The following MORF4L1 variants were observed in gnomAD, a reference collection of about 807,000 sequenced individuals.
MORF4L1 encodes mortality factor 4 like 1.
A neutral mutation model predicts 52.9 loss-of-function variants in MORF4L1; 4 were observed. The observed-to-expected ratio is 0.08, with a 90% CI of 0.04 to 0.17. The LOEUF (loss-of-function observed/expected upper bound fraction) is 0.17. Ranked by LOEUF, MORF4L1 falls within the 10% of genes least tolerant of loss-of-function variation. The pLI, the probability that MORF4L1 is intolerant of heterozygous loss-of-function variation, is 1.00. For synonymous variants in MORF4L1, 123 were observed against 134.8 expected, an observed-to-expected ratio of 0.91 and a Z score of 0.61; for missense variants, 214 against 390.4, an observed-to-expected ratio of 0.55 and a Z score of 3.81.
rs1254731223 is a variant in MORF4L1, at chr15:78,872,969, CG to C, written c.-47del. On this transcript the variant is annotated 5_prime_UTR_variant, in exon 1 of 12. Transcript: ENST00000426013. ...GTTGGGTGGGGTAGAGAGTAGGGGGCGGTAGTCGGGGGTGGTGGGAGAAGGA... is the reference window on the plus strand; with the variant it reads ...GTTGGGTGGGGTAGAGAGTAGGGGGCGTAGTCGGGGGTGGTGGGAGAAGGA... The C allele has an allele frequency of 2.0e-6, 3 of 1,492,564 alleles. No individual in the cohort carries two copies. The highest frequency in any genetic ancestry group is 2.2e-5 in the Admixed American group (1 of 45,382). 92.5% of individuals were successfully genotyped at this position (1,492,564 alleles called of 1,614,324 possible). A position where few individuals can be genotyped will look rare whatever the true frequency, so the allele number is the denominator to read the frequency against.
intron 11 of MORF4L1, among the ~76,000 whole-genome samples, chr15:78,895,668 CATT>C (rs1204358098): frequency 6.6e-6 from 1 of 152,152 alleles, no homozygotes; most frequent in Non-Finnish European, 1.5e-5. Flanking sequence ...TGTAGAGAAA[CATT>C]ATTTTAATCT....
intron 10 of MORF4L1, 92 bp from the exon 11 acceptor site, chr15:78,894,723 TAAAGG>T: frequency 1.0e-6 from 1 of 963,154 alleles, no homozygotes; most frequent in Non-Finnish European, 1.7e-6. Context: ...TCATGTATTT[TAAAGG>T]AATTGGTGGT....
Position 78,872,927 on chromosome 15 carries a change from G to A in MORF4L1, c.-91G>A, listed in dbSNP as rs370447340. 6.0e-6 allele frequency: 9 copies of A among 1,510,472 alleles called. No individual in the cohort carries two copies. The highest frequency in any genetic ancestry group is 1.2e-5 in the South Asian group (1 of 80,526). 93.6% of individuals were successfully genotyped at this position (1,510,472 alleles called of 1,614,324 possible). On this transcript the variant is annotated 5_prime_UTR_variant, in exon 1 of 12. Transcript: ENST00000426013. ...GGATGTAGAGCTGGCAGTGCCTGACGGCGCGTCTGACGCGGAGTTGGGTGG... is the reference window on the plus strand; with the variant it reads ...GGATGTAGAGCTGGCAGTGCCTGACAGCGCGTCTGACGCGGAGTTGGGTGG...
intron 1 of MORF4L1, among the ~76,000 whole-genome samples, chr15:78,874,175 T>C (rs144611578): frequency 0.01 from 1,530 of 152,334 alleles, 14 homozygotes; most frequent in Non-Finnish European, 0.015. Context: ...GGAGGAACAC[T>C]TTAACATTCC....
intron 3 of MORF4L1, chr15:78,885,132 C>A: frequency 7.1e-7 from 1 of 1,400,580 alleles, no homozygotes; most frequent in Non-Finnish European, 1.0e-6. Flanking sequence ...TTCAGGATTG[C>A]TTTTTATTAT....
chr15:78,874,775 T>G (rs1463010593), intron 1 of MORF4L1, among the ~76,000 whole-genome samples: 1 of 132,162 alleles, frequency 7.6e-6, no homozygotes, highest in African/African-American at 2.7e-5. Context: ...AGCTGTTGAC[T>G]CTACCTCCTA....
rs1395674635 is a variant in MORF4L1, at chr15:78,873,105, G to A, written c.40+48G>A. 3.2e-6 allele frequency: 5 copies of A among 1,548,002 alleles called. No homozygotes were observed. The African/African-American group carries it at 6.9e-5, about 21-fold the overall frequency. On this transcript the variant is annotated intron_variant, in intron 1 of 11. Coordinates refer to ENST00000426013, the MANE Select transcript of MORF4L1 (RefSeq NM_006791.4). ...AAGGCACCTAACGGCGCAGGAGATA[G>A]AGGCGGGCTCGAGGTGATTGAGGCT...
chr15:78,891,734 C>CT, intron 7 of MORF4L1, 162 bp downstream of exon 7: 1 of 571,360 alleles, frequency 1.8e-6, no homozygotes, highest in East Asian at 2.9e-5. Flanking sequence ...TTCTGTATAT[C>CT]TTTATTTCAC....
Position 78,897,136 on chromosome 15 carries a change from C to G in MORF4L1, c.*69C>G. The stretch of plus-strand genomic sequence containing the variant: ...TTTTGTTCTTAGTCTATCTCTTGTA[C>G]AAACGATGTGCTTTGAAGATGTTAG... On this transcript the variant is annotated 3_prime_UTR_variant, in exon 12 of 12. Coordinates refer to ENST00000426013, the MANE Select transcript of MORF4L1 (RefSeq NM_006791.4). 1.6e-6 allele frequency: 2 copies of G among 1,234,942 alleles called. No homozygotes were observed. Among genetic ancestry groups the G allele is most frequent in the Non-Finnish European group, 2.4e-6 (2 of 843,706 alleles). 76.5% of individuals were successfully genotyped at this position (1,234,942 alleles called of 1,614,324 possible).
intron 5 of MORF4L1, among the ~76,000 whole-genome samples, chr15:78,889,598 T>G (rs1014477633): frequency 3.9e-5 from 6 of 152,136 alleles, no homozygotes; most frequent in Admixed American, 3.9e-4. Context: ...AGACTATTGG[T>G]TTCTCTTGGT....
Position 78,884,004 on chromosome 15 carries a change from G to C in MORF4L1, c.156-2137G>C, listed in dbSNP as rs537562717. On this transcript the variant is annotated intron_variant, in intron 3 of 11. Coordinates refer to ENST00000426013, the MANE Select transcript of MORF4L1 (RefSeq NM_006791.4). ...GCAGATCACAAGGTCAGGAGTTCTAGACCAGCCTGGCCAACATGATGAAAT... is the reference window on the plus strand; with the variant it reads ...GCAGATCACAAGGTCAGGAGTTCTACACCAGCCTGGCCAACATGATGAAAT... 1.4e-3 allele frequency among the ~76,000 whole-genome samples: 208 copies of C among 146,030 alleles called. 1 individual carries two copies. The highest frequency in any genetic ancestry group is 5.0e-3 in the African/African-American group (198 of 39,436).
intron 5 of MORF4L1, 134 bp from the exon 6 acceptor site, chr15:78,890,855 G>GT: frequency 1.3e-6 from 1 of 799,722 alleles, no homozygotes; most frequent in Non-Finnish European, 1.8e-6. Context: ...TTGTGTCTGA[G>GT]TAGGACACAT....
At chr15:78,895,871 TATC>T (rs1165982483) in intron 11 of MORF4L1, among the ~76,000 whole-genome samples, 1 of 152,192 alleles carries the variant, frequency 6.6e-6, no homozygotes, top group Non-Finnish European at 1.5e-5. Context: ...AGGCAAGATT[TATC>T]ATCTTTTCTT....
rs76730098 is a variant in MORF4L1 at position 78,893,122 on chromosome 15, G to T, written c.541-417G>T. On this transcript the variant is annotated intron_variant, in intron 8 of 11. Coordinates refer to ENST00000426013, the MANE Select transcript of MORF4L1 (RefSeq NM_006791.4). Reference sequence around the variant, plus strand: ...AGGACGAAAAGATAATTATTTTAATGCTTTAGACTAGATCTAGCAAATAGT... The same window carrying T: ...AGGACGAAAAGATAATTATTTTAATTCTTTAGACTAGATCTAGCAAATAGT... 0.027 allele frequency: 4,150 copies of T among 155,210 alleles called. 525 individuals are homozygous for T. In the East Asian group the frequency reaches 0.37, roughly 14 times the overall value. The allele number at this position is 155,210 out of a possible 1,614,324, so 9.6% of individuals were successfully genotyped here. A position where few individuals can be genotyped will look rare whatever the true frequency, so the allele number is the denominator to read the frequency against.
At chr15:78,876,270 G>A (rs1390866011) in intron 1 of MORF4L1, among the ~76,000 whole-genome samples, 1 of 146,414 alleles carries the variant, frequency 6.8e-6, no homozygotes, top group Non-Finnish European at 1.5e-5. Flanking sequence ...TTGTAAACTT[G>A]TTAAAAAAAA....
intron 5 of MORF4L1, among the ~76,000 whole-genome samples, chr15:78,889,862 C>T (rs1019935906): frequency 1.3e-5 from 2 of 151,972 alleles, no homozygotes; most frequent in African/African-American, 4.8e-5. Flanking sequence ...AGTATCTTTC[C>T]ATCGAAAGTA....
At chr15:78,894,970 G>C in intron 11 of MORF4L1, 66 bp downstream of exon 11, 10 of 1,262,142 alleles carry the variant, frequency 7.9e-6, no homozygotes, top group Non-Finnish European at 1.2e-5. Context: ...GGGATTGGCA[G>C]TATAGATGCT....
chr15:78,891,310 T>A (rs2056797677), intron 6 of MORF4L1, 174 bp from the exon 7 acceptor site: 7 of 656,534 alleles, frequency 1.1e-5, no homozygotes, highest in South Asian at 1.9e-5. Flanking sequence ...AAATGTTCGG[T>A]AGAGCTCTTC....
At chr15:78,879,474 C>T (rs1032948132) in intron 2 of MORF4L1, among the ~76,000 whole-genome samples, 1 of 140,142 alleles carries the variant, frequency 7.1e-6, no homozygotes, top group Non-Finnish European at 1.6e-5. Flanking sequence ...CCTGCCTCGG[C>T]CTCCCAAAGT....
Sources: gnomAD v4.1 joint callset for allele counts (sites outside exome capture counted in the v4.1 genomes callset) on GRCh38, gnomAD v4.1.1 for gene constraint, MANE v1.5 for transcripts, NCBI Gene and HGNC (gene_info 2026-07-23, HGNC 2026-07-21) for gene names.